The following ZZZ3 variants were observed in gnomAD, a reference collection of about 807,000 sequenced individuals.
ZZZ3 encodes the protein ZZ-type zinc finger-containing protein 3.
ZZZ3 carries 22 observed loss-of-function variants against 95.2 expected under a neutral mutation model. The observed-to-expected ratio is 0.23, with a 90% confidence interval of 0.17 to 0.33. The LOEUF (loss-of-function observed/expected upper bound fraction) is 0.33, where lower values mean the gene tolerates loss of function less well. Among genes scored for constraint, ZZZ3 ranks in the 10% least tolerant of loss-of-function variants. The probability of loss-of-function intolerance (pLI) is 1.00; values close to 1 mark genes in which losing one functional copy is unlikely to be tolerated. For missense variants in ZZZ3, 885 were observed against 1,066.5 expected (o/e 0.83, Z 2.37); for synonymous variants, 335 against 358.9 (o/e 0.93, Z 0.75).
intron 5 of ZZZ3, among the ~76,000 whole-genome samples, chr1:77,607,177 G>T (rs1665316123): frequency 6.6e-6 from 1 of 152,208 alleles, no homozygotes. Flanking sequence ...TCACAATCAT[G>T]GCTGAAGGCA....
chr1:77,676,125 T>C (rs1334332786), intron 1 of ZZZ3, among the ~76,000 whole-genome samples: 1 of 152,222 alleles, frequency 6.6e-6, no homozygotes, highest in Non-Finnish European at 1.5e-5. Flanking sequence ...CCCCAAAATC[T>C]GCCAAAGTAG....
intron 1 of ZZZ3, among the ~76,000 whole-genome samples, chr1:77,658,178 C>CAAAAAAAAA (rs1186224710): frequency 6.6e-5 from 5 of 76,306 alleles, no homozygotes; most frequent in Admixed American, 1.7e-4. Context: ...GACTTTGTCT[C>CAAAAAAAAA]AAAAAAAAAA....
At chr1:77,587,893 A>C (rs566774765) in intron 5 of ZZZ3, among the ~76,000 whole-genome samples, 1 of 152,298 alleles carries the variant, frequency 6.6e-6, no homozygotes, top group African/African-American at 2.4e-5. Context: ...AGGTTGGTCC[A>C]CTTTCACTTA....
intron 5 of ZZZ3, among the ~76,000 whole-genome samples, chr1:77,606,591 C>T (rs1291790016): frequency 3.3e-5 from 5 of 152,196 alleles, no homozygotes; most frequent in Admixed American, 2.0e-4. Flanking sequence ...GTGGTGGCCA[C>T]AGGGGTGCTT....
At chr1:77,590,373 C>T (rs1323163499) in intron 5 of ZZZ3, among the ~76,000 whole-genome samples, 1 of 151,950 alleles carries the variant, frequency 6.6e-6, no homozygotes, top group African/African-American at 2.4e-5. Flanking sequence ...AAGACTCCGT[C>T]TCAAAAAACA....
chr1:77,577,614 G>A (rs894161296), intron 11 of ZZZ3, among the ~76,000 whole-genome samples: 12 of 152,168 alleles, frequency 7.9e-5, no homozygotes, highest in African/African-American at 2.7e-4. Flanking sequence ...AAGGATAACA[G>A]CACTAGATAT....
chr1:77,646,538 C>T (rs532799361), intron 1 of ZZZ3, among the ~76,000 whole-genome samples: 6 of 152,150 alleles, frequency 3.9e-5, no homozygotes, highest in Non-Finnish European at 8.8e-5. Context: ...TTCGTTAAGT[C>T]TTATCCTTTA....
intron 11 of ZZZ3, among the ~76,000 whole-genome samples, chr1:77,577,524 A>AT (rs1053378590): frequency 6.6e-6 from 1 of 151,754 alleles, no homozygotes; most frequent in Admixed American, 6.6e-5. Context: ...GTTAAAAAAA[A>AT]TTTTTTTTTA....
chr1:77,607,823 C>T (rs368724613), intron 5 of ZZZ3, among the ~76,000 whole-genome samples: 23 of 150,726 alleles, frequency 1.5e-4, no homozygotes, highest in Non-Finnish European at 2.8e-4. Context: ...GGGAGGCTGA[C>T]GCAGGAGAAT....
intron 5 of ZZZ3, among the ~76,000 whole-genome samples, chr1:77,609,116 C>A (rs1665526916): frequency 6.6e-6 from 1 of 152,026 alleles, no homozygotes; most frequent in South Asian, 2.1e-4. Context: ...ATAAACAAGA[C>A]CCATGGATCT....
chr1:77,619,289 T>C (rs1666621957), intron 5 of ZZZ3, among the ~76,000 whole-genome samples: 1 of 152,182 alleles, frequency 6.6e-6, no homozygotes, highest in Non-Finnish European at 1.5e-5. Context: ...ACATGTATGT[T>C]AAACTATATG....
chr1:77,656,542 A>T (rs1670282035), intron 1 of ZZZ3, among the ~76,000 whole-genome samples: 1 of 152,224 alleles, frequency 6.6e-6, no homozygotes, highest in Non-Finnish European at 1.5e-5. Context: ...ACCATTTCTC[A>T]TGGGACAGAG....
intron 4 of ZZZ3, 112 bp downstream of exon 4, chr1:77,639,337 T>C: frequency 1.3e-6 from 1 of 785,834 alleles, no homozygotes; most frequent in East Asian, 3.1e-5. Context: ...AAACTACAAG[T>C]TGCCACCCAG....
In ZZZ3 at chr1:77,622,370, CA is replaced by C. The variant is rs200681261; in HGVS notation, c.1505+9479del. 8.8e-3 allele frequency among the ~76,000 whole-genome samples: 485 copies of C among 55,412 alleles called. 3 individuals carry two copies. Among genetic ancestry groups the C allele is most frequent in the East Asian group, 0.018 (32 of 1,816 alleles). 36.4% of individuals were successfully genotyped at this position (55,412 alleles called of 152,430 possible). A position where few individuals can be genotyped will look rare whatever the true frequency, so the allele number is the denominator to read the frequency against. On this transcript the variant is annotated intron_variant, in intron 5 of 14. Transcript: ENST00000370801. ...ATAATGTAAAACAAATGAAAAATAGCAAAAAAAAAAAAAAAAAACCTGAATC... is the reference window on the plus strand; with the variant it reads ...ATAATGTAAAACAAATGAAAAATAGCAAAAAAAAAAAAAAAAACCTGAATC...
chr1:77,667,069 C>A (rs1671309107), intron 1 of ZZZ3, among the ~76,000 whole-genome samples: 1 of 152,200 alleles, frequency 6.6e-6, no homozygotes, highest in Admixed American at 6.5e-5. Flanking sequence ...TAATCAAAGT[C>A]TTCTCTCACT....
chr1:77,632,862 G>A lies in ZZZ3; in HGVS notation c.493C>T (p.Arg165Ter), dbSNP rs1334210364. 1 of 1,614,026 alleles carries A rather than the reference G, an allele frequency of 6.2e-7. No individual in the cohort carries two copies. Among genetic ancestry groups the A allele is most frequent in the Non-Finnish European group, 8.5e-7 (1 of 1,179,996 alleles). ...ADFQGTKRAC[R>*]CLILDDCEKR... ...TCACAATCATCCAGTATAAGACATC[G>A]ACAAGCTCGTTTAGTCCCTTGAAAA... The change falls in exon 5 of 15, where the codon CGA (arginine) becomes TGA (stop). Residue 165 changes from arginine (R) to a stop codon, truncating the protein, a stop_gained. Coordinates refer to ENST00000370801, the MANE Select transcript of ZZZ3 (RefSeq NM_015534.6). LOFTEE classifies it high-confidence loss of function.
At chr1:77,651,900 C>T (rs982563373) in intron 1 of ZZZ3, among the ~76,000 whole-genome samples, 42 of 151,828 alleles carry the variant, frequency 2.8e-4, no homozygotes, top group African/African-American at 9.9e-4. Flanking sequence ...ATCTGTAGTC[C>T]CAGCTACTCT....
In ZZZ3 at chr1:77,584,622, G is replaced by C. The variant is rs746747343; in HGVS notation, c.1539C>G (p.Leu513=). ...YQRLLQTIAV[L]EAQRSQAVQD... is the part of the protein sequence containing the mutation. The stretch of plus-strand genomic sequence containing the variant: ...GGACTGCTTGAGAACGCTGAGCCTC[G>C]AGTACAGCAATCGTCTGTAATAGTC... The change falls in exon 6 of 15, where the codon CTC becomes CTG. Residue 513 remains leucine, a synonymous_variant. Coordinates refer to ENST00000370801, the MANE Select transcript of ZZZ3 (RefSeq NM_015534.6). 6.2e-7 allele frequency: 1 copy of C among 1,609,740 alleles called. No individual in the cohort carries two copies. Among genetic ancestry groups the C allele is most frequent in the Non-Finnish European group, 8.5e-7 (1 of 1,178,576 alleles).
At chr1:77,638,713 A>C (rs1261334697) in intron 4 of ZZZ3, among the ~76,000 whole-genome samples, 1 of 152,232 alleles carries the variant, frequency 6.6e-6, no homozygotes, top group African/African-American at 2.4e-5. Context: ...TGATACCAGA[A>C]TATATTCACA....
Sources: allele counts gnomAD v4.1 joint callset (sites outside exome capture counted in the v4.1 genomes callset), GRCh38; gene constraint gnomAD v4.1.1; transcripts MANE v1.5; gene names NCBI Gene and HGNC (gene_info 2026-07-23, HGNC 2026-07-21).